Variants in ULK4 observed in about 807,000 individuals in gnomAD.
ULK4 encodes unc-51 like kinase 4.
ULK4 carries 133 observed loss-of-function variants against 160.6 expected under a neutral mutation model. The observed-to-expected ratio is 0.83, with a 90% CI of 0.72 to 0.96. The LOEUF (loss-of-function observed/expected upper bound fraction) is 0.96, where lower values mean the gene tolerates loss of function less well. Ranked by LOEUF, ULK4 falls within the 40% of genes least tolerant of loss-of-function variation. The pLI, the probability that ULK4 is intolerant of heterozygous loss-of-function variation, is 0.00. For synonymous variants in ULK4, 534 were observed against 539.8 expected, an observed-to-expected ratio of 0.99 and a Z score of 0.15; for missense variants, 1,580 against 1,499.5, an observed-to-expected ratio of 1.05 and a Z score of -0.89.
At chr3:41,867,458 G>A (rs527372423) in intron 17 of ULK4, among the ~76,000 whole-genome samples, 3 of 152,248 alleles carry the variant, frequency 2.0e-5, no homozygotes, top group East Asian at 1.9e-4. Flanking sequence ...TGCTAACTCC[G>A]CCTCACAGAT....
intron 22 of ULK4, among the ~76,000 whole-genome samples, chr3:41,722,573 A>G (rs1309869851): frequency 6.6e-6 from 1 of 152,094 alleles, no homozygotes; most frequent in Non-Finnish European, 1.5e-5. Context: ...AGAGGTTGCA[A>G]TAAGCCGAGA....
intron 31 of ULK4, among the ~76,000 whole-genome samples, chr3:41,584,872 G>C (rs1274353922): frequency 6.6e-6 from 1 of 152,028 alleles, no homozygotes; most frequent in African/African-American, 2.4e-5. Flanking sequence ...CAACCAATCT[G>C]AAGAAGAAGT....
At chr3:41,684,150 C>T (rs2036018550) in intron 27 of ULK4, among the ~76,000 whole-genome samples, 1 of 152,324 alleles carries the variant, frequency 6.6e-6, no homozygotes, top group African/African-American at 2.4e-5. Context: ...CACAGCTGTG[C>T]TGCAGTGAGA....
chr3:41,690,026 G>C (rs1456579864), intron 27 of ULK4, among the ~76,000 whole-genome samples: 1 of 148,442 alleles, frequency 6.7e-6, no homozygotes, highest in African/African-American at 2.6e-5. Flanking sequence ...CAATAGCAAA[G>C]ACTTGGAACC....
chr3:41,523,038 A>G (rs752541758), intron 32 of ULK4, among the ~76,000 whole-genome samples: 3 of 152,046 alleles, frequency 2.0e-5, no homozygotes, highest in Non-Finnish European at 2.9e-5. Context: ...CCTCTTGAGT[A>G]GCTGAGACTA....
At chr3:41,759,365 T>C (rs542536220) in intron 21 of ULK4, among the ~76,000 whole-genome samples, 1 of 152,318 alleles carries the variant, frequency 6.6e-6, no homozygotes, top group South Asian at 2.1e-4. Context: ...AAATCCTTTT[T>C]AAAGTACCAC....
At chr3:41,341,078 C>T (rs2080672600) in intron 35 of ULK4, among the ~76,000 whole-genome samples, 1 of 152,200 alleles carries the variant, frequency 6.6e-6, no homozygotes, top group Admixed American at 6.5e-5. Flanking sequence ...TGTGTGCCAT[C>T]TCACGGCTGG....
chr3:41,920,408 T>C (rs1205104370), intron 5 of ULK4, among the ~76,000 whole-genome samples: 1 of 152,196 alleles, frequency 6.6e-6, no homozygotes, highest in African/African-American at 2.4e-5. Context: ...ATAGGAAATA[T>C]TTAGTGAAAA....
intron 4 of ULK4, among the ~76,000 whole-genome samples, chr3:41,933,487 G>A (rs902912180): frequency 6.6e-6 from 1 of 152,154 alleles, no homozygotes; most frequent in South Asian, 2.1e-4. Flanking sequence ...TCCAGTGAAA[G>A]TTTATATACA....
At chr3:41,657,835 A>AAAAAAAAAAAAAAAAAAAAC (rs2035000764) in intron 30 of ULK4, among the ~76,000 whole-genome samples, 3 of 142,612 alleles carry the variant, frequency 2.1e-5, no homozygotes, top group African/African-American at 7.6e-5. Flanking sequence ...AAAAAAAAAA[A>AAAAAAAAAAAAAAAAAAAAC]CACACACCAC....
chr3:41,911,722 G>T, intron 9 of ULK4, 63 bp from the exon 10 acceptor site: 3 of 1,230,390 alleles, frequency 2.4e-6, no homozygotes, highest in Non-Finnish European at 3.5e-6. Context: ...TTTTATGTTA[G>T]AGAAAAAGAG....
At chr3:41,330,948 T>C (rs1339079994) in intron 35 of ULK4, among the ~76,000 whole-genome samples, 1 of 152,136 alleles carries the variant, frequency 6.6e-6, no homozygotes, top group Non-Finnish European at 1.5e-5. Flanking sequence ...AGCTTAGCAT[T>C]TGGCATTGCA....
chr3:41,858,062 T>A (rs2042403562), intron 17 of ULK4, among the ~76,000 whole-genome samples: 1 of 151,986 alleles, frequency 6.6e-6, no homozygotes, highest in Non-Finnish European at 1.5e-5. Flanking sequence ...TTTGAAGTTT[T>A]TCCTCTTTTT....
chr3:41,733,101 G>A (rs1170532362), intron 22 of ULK4, among the ~76,000 whole-genome samples: 2 of 152,162 alleles, frequency 1.3e-5, no homozygotes, highest in East Asian at 1.9e-4. Context: ...AACCAGAAGA[G>A]AGGATTTTTA....
intron 32 of ULK4, among the ~76,000 whole-genome samples, chr3:41,518,566 C>T (rs563436408): frequency 6.6e-6 from 1 of 152,298 alleles, no homozygotes; most frequent in Non-Finnish European, 1.5e-5. Context: ...CTGTTTTAAT[C>T]CCAGTAATAA....
At chr3:41,472,051 A>G (rs2084008282) in intron 32 of ULK4, among the ~76,000 whole-genome samples, 2 of 151,868 alleles carry the variant, frequency 1.3e-5, no homozygotes, top group South Asian at 4.1e-4. Flanking sequence ...ATAAACTAAA[A>G]CTTGTATTTT....
At chr3:41,511,287 G>A (rs2085568808) in intron 32 of ULK4, among the ~76,000 whole-genome samples, 3 of 149,632 alleles carry the variant, frequency 2.0e-5, no homozygotes, top group Admixed American at 1.3e-4. Flanking sequence ...AAATAACAAA[G>A]ATCAGAGCAA....
chr3:41,730,384 T>C (rs1271971141), intron 22 of ULK4, among the ~76,000 whole-genome samples: 1 of 151,874 alleles, frequency 6.6e-6, no homozygotes, highest in African/African-American at 2.4e-5. Context: ...AACCTTTAGG[T>C]AGACTAAGAA....
At chr3:41,353,114 G>C (rs938117249) in intron 35 of ULK4, among the ~76,000 whole-genome samples, 1 of 152,128 alleles carries the variant, frequency 6.6e-6, no homozygotes, top group African/African-American at 2.4e-5. Context: ...CCTGTTCCAG[G>C]ATACTGTCTC....
Sources: gnomAD v4.1 joint callset for allele counts (sites outside exome capture counted in the v4.1 genomes callset) on GRCh38, gnomAD v4.1.1 for gene constraint, MANE v1.5 for transcripts, NCBI Gene and HGNC (gene_info 2026-07-23, HGNC 2026-07-21) for gene names.